Variants in SLC38A8 observed in about 807,000 individuals in gnomAD.
SLC38A8 encodes solute carrier family 38 member 8.
A neutral mutation model predicts 46.0 loss-of-function variants in SLC38A8; 65 were observed. The observed-to-expected ratio is 1.41, with a 90% CI of 1.16 to 1.74. The LOEUF is 1.74. Ranked by LOEUF, SLC38A8 falls within the 40% of genes most tolerant of loss-of-function variation. The pLI is 0.00. For missense variants in SLC38A8, 998 were observed against 567.9 expected, an observed-to-expected ratio of 1.76 and a Z score of -7.70; for synonymous variants, 447 against 243.7, an observed-to-expected ratio of 1.83 and a Z score of -7.77.
Position 84,009,746 on chromosome 16 carries a change from C to A in SLC38A8, c.*38G>T. 2 of 1,587,790 alleles carry A rather than the reference C, an allele frequency of 1.3e-6. No homozygotes were observed. Among genetic ancestry groups the A allele is most frequent in the Non-Finnish European group, 1.7e-6 (2 of 1,162,340 alleles). On this transcript the variant is annotated 3_prime_UTR_variant, in exon 11 of 11. Coordinates refer to ENST00000299709, the MANE Select transcript of SLC38A8 (RefSeq NM_001080442.3). ...CATACAGCAGCCACGTAGGGTCAGC[C>A]CCCGGAGGGCCCCTTCCTGCCCGGC... is the stretch of plus-strand genomic sequence containing the variant.
At chr16:84,025,221 C>T (rs2085147873) in intron 6 of SLC38A8, among the ~76,000 whole-genome samples, 1 of 152,172 alleles carries the variant, frequency 6.6e-6, no homozygotes, top group African/African-American at 2.4e-5. Context: ...CTGGTTCCCA[C>T]CATCACACCC....
At chr16:84,025,806 G>A (rs1184594964) in intron 6 of SLC38A8, among the ~76,000 whole-genome samples, 1 of 152,262 alleles carries the variant, frequency 6.6e-6, no homozygotes. Context: ...TCCAGCCCTA[G>A]TTGAGCACAG....
intron 3 of SLC38A8, among the ~76,000 whole-genome samples, chr16:84,033,918 G>C (rs1024961116): frequency 4.0e-5 from 6 of 151,468 alleles, no homozygotes; most frequent in African/African-American, 1.5e-4. Flanking sequence ...CAGAACACAT[G>C]ACCCCAAATG....
At chr16:84,025,717 A>G (rs1385172697) in intron 6 of SLC38A8, among the ~76,000 whole-genome samples, 16 of 152,334 alleles carry the variant, frequency 1.1e-4, no homozygotes, top group Non-Finnish European at 1.5e-5. Context: ...CAAGGAAACA[A>G]GCCCAGCACA....
chr16:84,024,230 G>A (rs1192183704), intron 6 of SLC38A8, among the ~76,000 whole-genome samples: 1 of 152,212 alleles, frequency 6.6e-6, no homozygotes, highest in African/African-American at 2.4e-5. Context: ...TGGGTAGGGT[G>A]GGTGCTACTG....
chr16:84,027,771 C>A (rs762987387), intron 6 of SLC38A8, among the ~76,000 whole-genome samples: 14 of 152,208 alleles, frequency 9.2e-5, no homozygotes, highest in Non-Finnish European at 1.8e-4. Context: ...CTAGGAGAAT[C>A]CGGTGAGGGC....
At position 84,033,322 on chromosome 16, in the gene SLC38A8, C is replaced by A. The variant is rs762038482; in HGVS notation, c.530+6G>T. On this transcript the variant is annotated splice_donor_region_variant and intron_variant, in intron 4 of 10. Coordinates refer to ENST00000299709, the MANE Select transcript of SLC38A8 (RefSeq NM_001080442.3). Reference sequence around the variant, plus strand: ...GGCCCCCACCAGGCAGCATCCCAGCCCTTACCTTGTGTATTTCTGGAAGGC... The same window carrying A: ...GGCCCCCACCAGGCAGCATCCCAGCACTTACCTTGTGTATTTCTGGAAGGC... 2 of 1,613,954 alleles carry A rather than the reference C, an allele frequency of 1.2e-6. No individual in the cohort carries two copies. The highest frequency in any genetic ancestry group is 1.7e-6 in the Non-Finnish European group (2 of 1,180,016).
chr16:84,029,083 G>A (rs1172571973), intron 6 of SLC38A8, among the ~76,000 whole-genome samples: 1 of 152,082 alleles, frequency 6.6e-6, no homozygotes, highest in South Asian at 2.1e-4. Flanking sequence ...CAAGGCCCTG[G>A]GCAGAGTCCA....
chr16:84,031,837 G>C, intron 5 of SLC38A8, 30 bp downstream of exon 5: 2 of 1,600,724 alleles, frequency 1.2e-6, no homozygotes, highest in Non-Finnish European at 1.7e-6. Flanking sequence ...TCCCCGCCGA[G>C]GCTGCCGGAA....
chr16:84,026,858 G>T (rs748764689), intron 6 of SLC38A8, among the ~76,000 whole-genome samples: 1 of 152,180 alleles, frequency 6.6e-6, no homozygotes, highest in Non-Finnish European at 1.5e-5. Context: ...CAGACAAGAA[G>T]TGCAAGAGCT....
At chr16:84,025,160 G>GCTA (rs143873639) in intron 6 of SLC38A8, among the ~76,000 whole-genome samples, 1 of 151,910 alleles carries the variant, frequency 6.6e-6, no homozygotes, top group Admixed American at 6.6e-5. Context: ...GGGCGGGGAT[G>GCTA]CTTTTTCCGG....
At chr16:84,022,955 C>G (rs1206561065) in intron 6 of SLC38A8, 66 bp from the exon 7 acceptor site, 5 of 1,184,876 alleles carry the variant, frequency 4.2e-6, no homozygotes, top group Non-Finnish European at 5.8e-6. Context: ...CGAAAAAAAA[C>G]TCATATCCAA....
At chr16:84,019,940 G>A (rs369953473) in intron 7 of SLC38A8, among the ~76,000 whole-genome samples, 3 of 152,222 alleles carry the variant, frequency 2.0e-5, no homozygotes, top group Admixed American at 6.5e-5. Context: ...CCACTCCTAC[G>A]GCTTTGCCGG....
At chr16:84,031,059 G>C (rs1301401119) in intron 5 of SLC38A8, among the ~76,000 whole-genome samples, 1 of 151,900 alleles carries the variant, frequency 6.6e-6, no homozygotes, top group Non-Finnish European at 1.5e-5. Context: ...TTTCTTTTTT[G>C]AGACAGAGTC....
intron 6 of SLC38A8, among the ~76,000 whole-genome samples, chr16:84,023,706 C>T (rs1221022654): frequency 6.6e-6 from 1 of 152,162 alleles, no homozygotes; most frequent in Non-Finnish European, 1.5e-5. Flanking sequence ...CCAGCCTGGC[C>T]AACATGGCAA....
At chr16:84,037,036 A>G in intron 2 of SLC38A8, 136 bp from the exon 3 acceptor site, 1 of 849,722 alleles carries the variant, frequency 1.2e-6, no homozygotes, top group Admixed American at 2.2e-5. Flanking sequence ...TGGGGTTGGC[A>G]GTCTACCAGC....
chr16:84,024,293 G>T (rs953557678), intron 6 of SLC38A8, among the ~76,000 whole-genome samples: 1 of 152,180 alleles, frequency 6.6e-6, no homozygotes, highest in African/African-American at 2.4e-5. Context: ...TCACATGGGT[G>T]CACACATACT....
rs1182576804 is a variant in SLC38A8, at chr16:84,036,683, G to C, written c.388+19C>G. 1.9e-6 allele frequency: 3 copies of C among 1,613,690 alleles called. No homozygotes were observed. Among genetic ancestry groups the C allele is most frequent in the Non-Finnish European group, 1.7e-6 (2 of 1,179,970 alleles). Reference sequence around the variant, plus strand: ...GGTCCGGCACCCTGGGCCACCCCGAGTCCCATGAAGGTACTTACGCTTCTC... The same window carrying C: ...GGTCCGGCACCCTGGGCCACCCCGACTCCCATGAAGGTACTTACGCTTCTC... On this transcript the variant is annotated intron_variant, in intron 3 of 10. Transcript: ENST00000299709.
Position 84,033,474 on chromosome 16 carries a change from CAG to C in SLC38A8, c.389-7_389-6del. On this transcript the variant is annotated splice_polypyrimidine_tract_variant and splice_region_variant and intron_variant, in intron 3 of 10. Coordinates refer to ENST00000299709, the MANE Select transcript of SLC38A8 (RefSeq NM_001080442.3). ...CAGACAGGAGGGAGTCACACACTGCCAGAGACACGGGGAGAGCTGAGCCACAG... is the reference window on the plus strand; with the variant it reads ...CAGACAGGAGGGAGTCACACACTGCCAGACACGGGGAGAGCTGAGCCACAG... 6.3e-7 allele frequency: 1 copy of C among 1,594,712 alleles called. No homozygotes were observed. Among genetic ancestry groups the C allele is most frequent in the Non-Finnish European group, 8.5e-7 (1 of 1,171,028 alleles).
Sources: gnomAD v4.1 joint callset for allele counts (sites outside exome capture counted in the v4.1 genomes callset) on GRCh38, gnomAD v4.1.1 for gene constraint, MANE v1.5 for transcripts, NCBI Gene and HGNC (gene_info 2026-07-23, HGNC 2026-07-21) for gene names.